Variants in BRINP3 observed in about 807,000 individuals in gnomAD.
BRINP3 encodes BMP/retinoic acid inducible neural specific 3.
BRINP3 carries 19 observed loss-of-function variants against 71.0 expected under a neutral mutation model. The ratio of observed to expected loss-of-function variants is 0.27; its 90% CI spans 0.19 to 0.39. The LOEUF (loss-of-function observed/expected upper bound fraction) is 0.39. BRINP3 is among the 10% of genes least tolerant of loss of function. BRINP3 has a pLI of 1.00. For synonymous variants in BRINP3, 380 were observed against 337.7 expected (o/e 1.13, Z -1.37); for missense variants, 959 against 940.8 (o/e 1.02, Z -0.25).
chr1:190,434,099 G>GTTAT (rs142530710), intron 2 of BRINP3, among the ~76,000 whole-genome samples: 4 of 151,620 alleles, frequency 2.6e-5, no homozygotes, highest in African/African-American at 7.3e-5. Context: ...TAAAGAAATG[G>GTTAT]TTATTTATTT....
rs569595512 is a variant in BRINP3, at chr1:190,385,888, A to G, written c.236+68767T>C. Among the ~76,000 whole-genome samples the G allele has an allele frequency of 3.1e-3, 455 of 147,596 alleles. 6 individuals carry two copies. Among genetic ancestry groups the G allele is most frequent in the African/African-American group, 0.011 (430 of 40,384 alleles). ...AAATGTGGCACATATACACCATGGAATACTATGCAGCCATAAAAAATGATG... is the reference window on the plus strand; with the variant it reads ...AAATGTGGCACATATACACCATGGAGTACTATGCAGCCATAAAAAATGATG... On this transcript the variant is annotated intron_variant, in intron 2 of 7. Coordinates refer to ENST00000367462, the MANE Select transcript of BRINP3 (RefSeq NM_199051.3).
intron 7 of BRINP3, among the ~76,000 whole-genome samples, chr1:190,132,812 T>A (rs1654651064): frequency 6.6e-6 from 1 of 152,260 alleles, no homozygotes; most frequent in Admixed American, 6.5e-5. Context: ...AAAATGACTG[T>A]AACTTCTGAG....
intron 2 of BRINP3, among the ~76,000 whole-genome samples, chr1:190,334,988 T>C (rs1165065640): frequency 6.6e-6 from 1 of 151,812 alleles, no homozygotes; most frequent in Admixed American, 6.6e-5. Flanking sequence ...CTTGATGGAT[T>C]TTGATGTTTG....
chr1:190,390,909 G>T (rs1671211800), intron 2 of BRINP3, among the ~76,000 whole-genome samples: 1 of 151,834 alleles, frequency 6.6e-6, no homozygotes, highest in Admixed American at 6.6e-5. Flanking sequence ...TGACTTGGGA[G>T]TCCCCGGCTT....
chr1:190,215,127 C>T (rs1426530150), intron 6 of BRINP3, among the ~76,000 whole-genome samples: 1 of 150,014 alleles, frequency 6.7e-6, no homozygotes, highest in Non-Finnish European at 1.5e-5. Flanking sequence ...AATCTTGCGT[C>T]TCCCCCAAAT....
At chr1:190,470,371 T>C (rs1179220160) in intron 1 of BRINP3, among the ~76,000 whole-genome samples, 2 of 151,114 alleles carry the variant, frequency 1.3e-5, no homozygotes, top group East Asian at 3.9e-4. Flanking sequence ...AATGTTCATG[T>C]ATTTATTAAT....
intron 6 of BRINP3, among the ~76,000 whole-genome samples, chr1:190,206,785 T>C (rs181952790): frequency 2.5e-4 from 38 of 152,198 alleles, no homozygotes; most frequent in African/African-American, 7.0e-4. Context: ...TAAAGAGTCA[T>C]CTTTTCATTT....
Position 190,454,736 on chromosome 1 carries a change from C to G in BRINP3, c.155G>C (p.Gly52Ala). Residue 52 changes from glycine (G) to alanine (A), a missense_variant, in exon 2 of 8, where the codon GGA (glycine) becomes GCA (alanine). Transcript: ENST00000367462. ...SPFDWLLSDKGPFHRSQEYTD... is the reference protein window; with the variant it reads ...SPFDWLLSDKAPFHRSQEYTD... ...GTATTCCTGTGAGCGATGGAAGGGTCCCTTATCAGAGAGGAGCCAGTCGAA... is the reference window on the plus strand; with the variant it reads ...GTATTCCTGTGAGCGATGGAAGGGTGCCTTATCAGAGAGGAGCCAGTCGAA... The G allele has an allele frequency of 6.2e-7, 1 of 1,614,152 alleles. No individual in the cohort carries two copies. Among genetic ancestry groups the G allele is most frequent in the Non-Finnish European group, 8.5e-7 (1 of 1,180,032 alleles).
intron 6 of BRINP3, among the ~76,000 whole-genome samples, chr1:190,216,155 T>C (rs182458640): frequency 6.6e-6 from 1 of 151,898 alleles, no homozygotes; most frequent in East Asian, 1.9e-4. Context: ...ATCATTAAAA[T>C]ATGCATGCAA....
intron 2 of BRINP3, among the ~76,000 whole-genome samples, chr1:190,436,834 A>G (rs972476732): frequency 6.6e-6 from 1 of 151,798 alleles, no homozygotes; most frequent in Non-Finnish European, 1.5e-5. Context: ...TTATTGTGTC[A>G]TTATTGTATT....
At chr1:190,150,937 G>T (rs1353994479) in intron 7 of BRINP3, among the ~76,000 whole-genome samples, 1 of 152,052 alleles carries the variant, frequency 6.6e-6, no homozygotes, top group Non-Finnish European at 1.5e-5. Flanking sequence ...GGATTCTACT[G>T]TGAGATAACA....
intron 2 of BRINP3, among the ~76,000 whole-genome samples, chr1:190,411,307 A>G (rs1188727601): frequency 1.3e-5 from 2 of 152,212 alleles, no homozygotes; most frequent in East Asian, 3.8e-4. Flanking sequence ...GGTATACTTA[A>G]TACTTGAATG....
At chr1:190,106,455 G>C (rs2102263948) in intron 7 of BRINP3, among the ~76,000 whole-genome samples, 1 of 151,304 alleles carries the variant, frequency 6.6e-6, no homozygotes, top group Admixed American at 6.6e-5. Context: ...TAAATTTTAA[G>C]GATTTTAAAA....
intron 2 of BRINP3, among the ~76,000 whole-genome samples, chr1:190,339,049 T>TAAATAAATAAAA (rs1416031959): frequency 3.5e-5 from 5 of 140,942 alleles, no homozygotes; most frequent in African/African-American, 1.3e-4. Context: ...AATAAATAAA[T>TAAATAAATAAAA]AAAACAATCT....
intron 2 of BRINP3, among the ~76,000 whole-genome samples, chr1:190,358,943 T>C (rs1408166150): frequency 1.3e-5 from 2 of 151,888 alleles, no homozygotes; most frequent in Non-Finnish European, 2.9e-5. Flanking sequence ...TTCTCATTCA[T>C]AGGTGGGAAT....
At chr1:190,436,921 C>T (rs1558285556) in intron 2 of BRINP3, among the ~76,000 whole-genome samples, 1 of 151,760 alleles carries the variant, frequency 6.6e-6, no homozygotes, top group East Asian at 1.9e-4. Flanking sequence ...TATATTTACT[C>T]TCAACAAACA....
intron 2 of BRINP3, among the ~76,000 whole-genome samples, chr1:190,321,396 T>C (rs910158918): frequency 3.3e-5 from 5 of 151,970 alleles, no homozygotes; most frequent in African/African-American, 1.2e-4. Flanking sequence ...TTATAAACCA[T>C]GCATAAAAGA....
chr1:190,174,520 T>C (rs745716268), intron 6 of BRINP3, among the ~76,000 whole-genome samples: 18 of 152,150 alleles, frequency 1.2e-4, no homozygotes, highest in Non-Finnish European at 1.9e-4. Context: ...CCTGTCTATA[T>C]GTATAAACGG....
At chr1:190,197,133 G>A (rs1437349707) in intron 6 of BRINP3, among the ~76,000 whole-genome samples, 1 of 151,904 alleles carries the variant, frequency 6.6e-6, no homozygotes, top group African/African-American at 2.4e-5. Context: ...ATTTTAAATG[G>A]TGGCAGGCAA....
Sources: allele counts gnomAD v4.1 joint callset (sites outside exome capture counted in the v4.1 genomes callset), GRCh38; gene constraint gnomAD v4.1.1; transcripts MANE v1.5; gene names NCBI Gene and HGNC (gene_info 2026-07-23, HGNC 2026-07-21).